The following TRIM55 variants were observed in gnomAD, a reference collection of about 807,000 sequenced individuals.
TRIM55 encodes tripartite motif containing 55.
TRIM55 carries 50 observed loss-of-function variants against 60.9 expected under a neutral mutation model. The ratio of observed to expected loss-of-function variants is 0.82; its 90% CI spans 0.65 to 1.04. The LOEUF (loss-of-function observed/expected upper bound fraction) is 1.04, where lower values mean the gene tolerates loss of function less well. Ranked by LOEUF, TRIM55 falls within the 50% of genes least tolerant of loss-of-function variation. The pLI, the probability that TRIM55 is intolerant of heterozygous loss-of-function variation, is 0.00. For missense variants in TRIM55, 681 were observed against 666.9 expected (o/e 1.02, Z -0.23); for synonymous variants, 237 against 238.1 (o/e 1.00, Z 0.04).
At chr8:66,115,970 T>C in the TRIM55 span, among the ~76,000 whole-genome samples, 1 of 152,260 alleles carries the variant, frequency 6.6e-6, no homozygotes, top group African/African-American at 2.4e-5. Context: ...ACTGTAGAGA[T>C]TCGGACACAT....
At chr8:66,121,866 T>C in the TRIM55 span, among the ~76,000 whole-genome samples, 5 of 152,196 alleles carry the variant, frequency 3.3e-5, no homozygotes, top group African/African-American at 1.2e-4. Context: ...ATCAGCTGGT[T>C]TTCATGTCCC....
intron 4 of TRIM55, among the ~76,000 whole-genome samples, chr8:66,146,184 A>G (rs1288778136): frequency 6.6e-6 from 1 of 152,228 alleles, no homozygotes; most frequent in African/African-American, 2.4e-5. Flanking sequence ...TTAATGATAT[A>G]ATAATTTTAA....
the TRIM55 span, among the ~76,000 whole-genome samples, chr8:66,114,333 G>T: frequency 6.6e-6 from 1 of 152,190 alleles, no homozygotes; most frequent in African/African-American, 2.4e-5. Context: ...GTCAGACGAA[G>T]TCAGGTGAAG....
upstream of TRIM55, among the ~76,000 whole-genome samples, chr8:66,126,613 C>T (rs1476435934): frequency 3.3e-5 from 5 of 152,076 alleles, no homozygotes; most frequent in Admixed American, 3.3e-4. Flanking sequence ...AGACCACAAC[C>T]CCAGCTGACA....
At chr8:66,163,132 A>G (rs1811141415) in intron 9 of TRIM55, among the ~76,000 whole-genome samples, 1 of 152,084 alleles carries the variant, frequency 6.6e-6, no homozygotes, top group Admixed American at 6.5e-5. Context: ...TGTCTTGATT[A>G]TTATAGCTTT....
chr8:66,119,926 T>A, the TRIM55 span, among the ~76,000 whole-genome samples: 1 of 152,340 alleles, frequency 6.6e-6, no homozygotes, highest in Non-Finnish European at 1.5e-5. Context: ...ACACTACAGA[T>A]ATAGAACATT....
chr8:66,149,292 C>T (rs958373310), intron 4 of TRIM55, among the ~76,000 whole-genome samples: 7 of 152,150 alleles, frequency 4.6e-5, no homozygotes, highest in South Asian at 2.1e-4. Context: ...CACATGCACA[C>T]ACACTCCAAA....
rs542813899 is a variant in TRIM55 at position 66,128,529 on chromosome 8, T to A, written c.341+53T>A. On this transcript the variant is annotated intron_variant, in intron 2 of 9. Coordinates refer to ENST00000315962, the MANE Select transcript of TRIM55 (RefSeq NM_184085.2). ...CAAGCCCATCTGAAACTTGTTTTTG[T>A]TTGTTTGTTTTAATGGGTTGCTACG... 5 of 1,571,884 alleles carry A rather than the reference T, an allele frequency of 3.2e-6. No individual in the cohort carries two copies. The East Asian group carries it at 1.1e-4, about 35-fold the overall frequency.
At chr8:66,118,709 G>T in the TRIM55 span, among the ~76,000 whole-genome samples, 1 of 152,170 alleles carries the variant, frequency 6.6e-6, no homozygotes, top group Admixed American at 6.5e-5. Flanking sequence ...CTGAGCTCTA[G>T]GATACCAAAG....
chr8:66,141,083 T>A (rs1809786517), intron 4 of TRIM55, among the ~76,000 whole-genome samples: 1 of 152,184 alleles, frequency 6.6e-6, no homozygotes, highest in Non-Finnish European at 1.5e-5. Context: ...CACACAGGAC[T>A]GGCCTGGGGA....
chr8:66,131,438 A>C (rs1809153538), intron 2 of TRIM55, among the ~76,000 whole-genome samples: 1 of 152,044 alleles, frequency 6.6e-6, no homozygotes, highest in Admixed American at 6.6e-5. Flanking sequence ...CTATTCTTTG[A>C]TTTTTCAATT....
intron 8 of TRIM55, 126 bp downstream of exon 8, chr8:66,152,753 G>T: frequency 4.7e-6 from 6 of 1,288,442 alleles, no homozygotes; most frequent in Non-Finnish European, 6.2e-6. Flanking sequence ...GTATATGGTA[G>T]ACGAAAGATT....
At chr8:66,147,534 C>T (rs145784090) in intron 4 of TRIM55, among the ~76,000 whole-genome samples, 9,897 of 152,072 alleles carry the variant, frequency 0.065, 459 homozygotes, top group African/African-American at 0.12. Context: ...TGGTGGCTCA[C>T]GCCTGTAATC....
chr8:66,140,578 T>C (rs950679746), intron 4 of TRIM55, among the ~76,000 whole-genome samples: 1 of 152,240 alleles, frequency 6.6e-6, no homozygotes, highest in Non-Finnish European at 1.5e-5. Flanking sequence ...GGCCACCCTG[T>C]GCATCTGTCA....
intron 2 of TRIM55, among the ~76,000 whole-genome samples, chr8:66,128,755 C>G (rs1415480542): frequency 6.6e-6 from 1 of 152,032 alleles, no homozygotes; most frequent in Non-Finnish European, 1.5e-5. Flanking sequence ...TACTGCTGTC[C>G]CCCTCCACCT....
chr8:66,169,832 C>T (rs1431144620), intron 9 of TRIM55, among the ~76,000 whole-genome samples: 1 of 152,094 alleles, frequency 6.6e-6, no homozygotes, highest in Non-Finnish European at 1.5e-5. Context: ...CTGGGTTGTT[C>T]ATTTTTGCTT....
chr8:66,124,770 T>G (rs1249232440), upstream of TRIM55, among the ~76,000 whole-genome samples: 1 of 152,236 alleles, frequency 6.6e-6, no homozygotes, highest in Admixed American at 6.5e-5. Flanking sequence ...ATTTGCACAC[T>G]GGGAAATTCC....
chr8:66,162,898 T>C (rs1811129139), intron 9 of TRIM55, among the ~76,000 whole-genome samples: 1 of 152,162 alleles, frequency 6.6e-6, no homozygotes, highest in East Asian at 1.9e-4. Flanking sequence ...AAGATCATTT[T>C]GTTAATATTT....
At chr8:66,128,204 A>G in intron 1 of TRIM55, 100 bp from the exon 2 acceptor site, 2 of 1,161,616 alleles carry the variant, frequency 1.7e-6, no homozygotes, top group Non-Finnish European at 2.4e-6. Context: ...AGCTTAAAGT[A>G]GAAGTTCATG....
Sources: allele counts gnomAD v4.1 joint callset (sites outside exome capture counted in the v4.1 genomes callset), GRCh38; gene constraint gnomAD v4.1.1; transcripts MANE v1.5; gene names NCBI Gene and HGNC (gene_info 2026-07-23, HGNC 2026-07-21).